ATXN3: variants seen among roughly 807,000 people sequenced by gnomAD.
The protein encoded by ATXN3 is ataxin 3.
Under a neutral mutation model 58.2 loss-of-function variants are expected in ATXN3, and 28 were observed. The observed-to-expected ratio is 0.48, with a 90% CI of 0.36 to 0.66. ATXN3 has a LOEUF of 0.66. ATXN3 is among the 30% of genes least tolerant of loss of function. The pLI, the probability that ATXN3 is intolerant of heterozygous loss-of-function variation, is 0.00. For missense variants in ATXN3, 321 were observed against 422.1 expected (o/e 0.76, Z 2.10); for synonymous variants, 113 against 138.5 (o/e 0.82, Z 1.29).
rs1479049474 is a variant in ATXN3, at chr14:92,096,562, TG to T, written c.189+111del. Reference sequence around the variant, plus strand: ...TCGCTTGAACCCGGGAGGCAGAGGTTGCAGTGAGCCGAGATCGCGCCATTGC... The same window carrying T: ...TCGCTTGAACCCGGGAGGCAGAGGTTCAGTGAGCCGAGATCGCGCCATTGC... On this transcript the variant is annotated intron_variant, in intron 2 of 10. Transcript: ENST00000644486. 4 of 1,098,282 alleles carry T rather than the reference TG, an allele frequency of 3.6e-6. No individual in the cohort carries two copies. The East Asian group carries it at 9.7e-5, about 27-fold the overall frequency. The allele number at this position is 1,098,282 out of a possible 1,614,324, so 68.0% of individuals were successfully genotyped here. A position where few individuals can be genotyped will look rare whatever the true frequency, so the allele number is the denominator to read the frequency against.
chr14:92,055,418 C>G (rs2057461756), downstream of ATXN3, among the ~76,000 whole-genome samples: 1 of 152,128 alleles, frequency 6.6e-6, no homozygotes, highest in Non-Finnish European at 1.5e-5. This position sits in a 1 kb window ranked among gnomAD's most constrained non-coding sequence, Gnocchi z 4.5. Context: ...GCATTAAGTA[C>G]ATTCACGTTG....
rs1229415496 is a variant in ATXN3, at chr14:92,059,530, G to A, written c.*4790C>T. 6.6e-6 allele frequency: 1 copy of A among 152,210 alleles called. No homozygotes were observed. Among genetic ancestry groups the A allele is most frequent in the Non-Finnish European group, 1.5e-5 (1 of 68,076 alleles). The allele number at this position is 152,210 out of a possible 1,614,324, so 9.4% of individuals were successfully genotyped here. On this transcript the variant is annotated 3_prime_UTR_variant, in exon 11 of 11. Coordinates refer to ENST00000644486, the MANE Select transcript of ATXN3 (RefSeq NM_004993.6). ...CAACAAACAATTCACTTTGAAAACA[G>A]TGGCCCAAGGCCGGGTGTGGTGGCC...
intron 1 of ATXN3, among the ~76,000 whole-genome samples, chr14:92,102,778 A>G (rs1462414538): frequency 3.9e-5 from 6 of 152,222 alleles, no homozygotes. Context: ...AGGGATACTA[A>G]GTAACTTGCT....
At chr14:92,075,410 G>T (rs2060195078) in intron 9 of ATXN3, among the ~76,000 whole-genome samples, 1 of 151,982 alleles carries the variant, frequency 6.6e-6, no homozygotes, top group Admixed American at 6.6e-5. Flanking sequence ...CAGATGATTC[G>T]CCTGCCTTGG....
At chr14:92,077,092 A>C (rs1406040088) in intron 9 of ATXN3, among the ~76,000 whole-genome samples, 2 of 152,204 alleles carry the variant, frequency 1.3e-5, no homozygotes, top group Non-Finnish European at 2.9e-5. Flanking sequence ...AACTAGAAGA[A>C]ATGATAAGAC....
chr14:92,057,144 C>T (rs146907995), downstream of ATXN3, among the ~76,000 whole-genome samples: 101 of 152,262 alleles, frequency 6.6e-4, no homozygotes, highest in African/African-American at 2.4e-3. Context: ...AAGAAATAAC[C>T]AGCCAGGCGA....
At chr14:92,069,054 T>G (rs1297911684) in intron 10 of ATXN3, among the ~76,000 whole-genome samples, 2 of 152,022 alleles carry the variant, frequency 1.3e-5, no homozygotes, top group Non-Finnish European at 2.9e-5. Flanking sequence ...TTTGTAATTT[T>G]GGGCAATGAT....
upstream of ATXN3, among the ~76,000 whole-genome samples, chr14:92,051,893 A>G (rs1398548352): frequency 6.8e-6 from 1 of 148,072 alleles, no homozygotes; most frequent in Non-Finnish European, 1.5e-5. Context: ...ATGCCCGGCT[A>G]ATTTTTGTAT....
chr14:92,083,319 A>G (rs2061805225), intron 6 of ATXN3, 61 bp from the exon 7 acceptor site: 3 of 1,477,670 alleles, frequency 2.0e-6, no homozygotes, highest in African/African-American at 2.8e-5. Flanking sequence ...AATTGATGTA[A>G]AACACTAGTA....
rs967491024 is a variant in ATXN3 at position 92,100,439 on chromosome 14, CA to C, written c.25-3602del. ...AATGGACCCCAAACTGGAAACGACCCAAATGGATAGCTGGGATCACAGTAGA... is the reference window on the plus strand; with the variant it reads ...AATGGACCCCAAACTGGAAACGACCCAATGGATAGCTGGGATCACAGTAGA... On this transcript the variant is annotated intron_variant, in intron 1 of 10. Coordinates refer to ENST00000644486, the MANE Select transcript of ATXN3 (RefSeq NM_004993.6). Among the ~76,000 whole-genome samples, 171 of 151,878 alleles carry C rather than the reference CA, an allele frequency of 1.1e-3. 1 individual carries two copies. Among genetic ancestry groups the C allele is most frequent in the African/African-American group, 4.1e-3 (168 of 41,416 alleles).
upstream of ATXN3, among the ~76,000 whole-genome samples, chr14:92,052,040 C>G (rs994270597): frequency 9.2e-5 from 14 of 151,630 alleles, no homozygotes; most frequent in Admixed American, 9.2e-4. Context: ...GAGTTTTAAC[C>G]ACACCTCCTG....
intron 1 of ATXN3, among the ~76,000 whole-genome samples, chr14:92,104,227 G>A (rs1429980026): frequency 6.6e-6 from 1 of 152,108 alleles, no homozygotes; most frequent in Non-Finnish European, 1.5e-5. Context: ...TGCAACCTCT[G>A]CCTCTCGGGT....
At position 92,105,483 on chromosome 14, in the gene ATXN3, C is replaced by T. The variant is rs375534522; in HGVS notation, c.24+1046G>A. On this transcript the variant is annotated intron_variant, in intron 1 of 10. Coordinates refer to ENST00000644486, the MANE Select transcript of ATXN3 (RefSeq NM_004993.6). ...TGGTAAATGTATTCTTTTGTCTTTG[C>T]TTTATTTGTTGTGTGTGTGTGAATT... 2.6e-5 allele frequency among the ~76,000 whole-genome samples: 4 copies of T among 152,130 alleles called. No individual in the cohort carries two copies. The East Asian group carries it at 7.7e-4, about 29-fold the overall frequency.
chr14:92,091,321 C>T (rs563156711), intron 5 of ATXN3, among the ~76,000 whole-genome samples: 27 of 152,064 alleles, frequency 1.8e-4, no homozygotes, highest in Admixed American at 1.1e-3. Flanking sequence ...TGTGGTGGTG[C>T]GTGGCTGTAG....
chr14:92,081,200 G>T, intron 8 of ATXN3, 139 bp from the exon 9 acceptor site: 1 of 583,002 alleles, frequency 1.7e-6, no homozygotes, highest in Non-Finnish European at 3.0e-6. Context: ...GGCTGGGCGT[G>T]GTGGCTCACA....
At chr14:92,073,553 C>G (rs376647564) in intron 9 of ATXN3, 2 of 151,372 alleles carry the variant, frequency 1.3e-5, no homozygotes, top group Non-Finnish European at 2.9e-5. Flanking sequence ...AAAATACAAA[C>G]CTTGTCTGGG....
At chr14:92,103,189 G>A (rs764613231) in intron 1 of ATXN3, among the ~76,000 whole-genome samples, 5 of 150,862 alleles carry the variant, frequency 3.3e-5, no homozygotes, top group Non-Finnish European at 7.4e-5. Context: ...CATAAAGTTA[G>A]TACAAAGGTT....
chr14:92,070,384 C>T (rs914518242), intron 10 of ATXN3, among the ~76,000 whole-genome samples: 9 of 152,126 alleles, frequency 5.9e-5, no homozygotes, highest in Non-Finnish European at 1.2e-4. Context: ...TTGAGACCAT[C>T]CTGGCTAACA....
At chr14:92,096,272 C>A in intron 2 of ATXN3, 135 bp from the exon 3 acceptor site, 1 of 1,558,494 alleles carries the variant, frequency 6.4e-7, no homozygotes. Context: ...TTATAATTCA[C>A]CAGTCAGATC....
Sources: allele counts gnomAD v4.1 joint callset (sites outside exome capture counted in the v4.1 genomes callset), GRCh38; gene constraint gnomAD v4.1.1; non-coding constraint Gnocchi (gnomAD v3.1); transcripts MANE v1.5; gene names NCBI Gene and HGNC (gene_info 2026-07-23, HGNC 2026-07-21).